Variants in ADNP2 observed in about 807,000 individuals in gnomAD.
ADNP2 encodes ADNP homeobox 2.
In ADNP2, 8 loss-of-function variants were observed where a neutral mutation model predicts 16.4. That is an observed-to-expected ratio of 0.49 (90% CI 0.29 to 0.88). The LOEUF (loss-of-function observed/expected upper bound fraction) is 0.88. Among genes scored for constraint, ADNP2 ranks in the 40% least tolerant of loss-of-function variants. The pLI, the probability that ADNP2 is intolerant of heterozygous loss-of-function variation, is 0.09. For synonymous variants in ADNP2, 637 were observed against 545.8 expected (o/e 1.17, Z -2.33); for missense variants, 1,397 against 1,395.1 (o/e 1.00, Z -0.02).
intron 2 of ADNP2, among the ~76,000 whole-genome samples, chr18:80,122,629 G>A (rs761987007): frequency 3.9e-5 from 6 of 152,182 alleles, no homozygotes; most frequent in Non-Finnish European, 7.3e-5. Flanking sequence ...AGATTTTTCA[G>A]TGCAGATATA....
At position 80,138,246 on chromosome 18, in the gene ADNP2, A is replaced by G. The variant is rs1320986340; in HGVS notation, c.2833A>G (p.Ser945Gly). The change falls in exon 4 of 4, where the codon AGC becomes GGC. Residue 945 changes from serine to glycine, a missense_variant. Around this residue, in one of 3 missense-constraint regions of ADNP2, gnomAD observed 611 missense variants for 648.7 expected, o/e 0.94. Transcript: ENST00000262198. ...LVRCRSAPKD[S>G]SSDLQAQPGF... ...GCGCTGCAGAAGTGCTCCCAAGGAC[A>G]GCAGCTCAGACCTGCAGGCCCAGCC... is the stretch of plus-strand genomic sequence containing the variant. The G allele has an allele frequency of 6.2e-7, 1 of 1,614,160 alleles. No individual in the cohort carries two copies. The highest frequency in any genetic ancestry group is 1.6e-4 in the Middle Eastern group (1 of 6,062).
chr18:80,120,772 C>A (rs922891082), intron 2 of ADNP2, among the ~76,000 whole-genome samples: 1 of 151,960 alleles, frequency 6.6e-6, no homozygotes, highest in African/African-American at 2.4e-5. Flanking sequence ...CTCCTGCCTC[C>A]GCCTCATGAG....
chr18:80,126,102 C>G (rs1239440701), intron 2 of ADNP2, among the ~76,000 whole-genome samples: 1 of 152,004 alleles, frequency 6.6e-6, no homozygotes, highest in Non-Finnish European at 1.5e-5. Context: ...TTTCTGCTCT[C>G]TTTTGGATTG....
chr18:80,125,559 C>T (rs541331217), intron 2 of ADNP2, among the ~76,000 whole-genome samples: 1 of 152,110 alleles, frequency 6.6e-6, no homozygotes, highest in South Asian at 2.1e-4. Context: ...AGGAGAATGG[C>T]GTGAACCTGG....
chr18:80,109,280 C>T lies in ADNP2; in HGVS notation c.-206C>T, dbSNP rs371703741. The T allele has an allele frequency of 4.3e-4, 66 of 152,070 alleles. No individual in the cohort carries two copies. The highest frequency in any genetic ancestry group is 3.1e-3 in the East Asian group (16 of 5,162). 9.4% of individuals were successfully genotyped at this position (152,070 alleles called of 1,614,324 possible). On this transcript the variant is annotated 5_prime_UTR_variant, in exon 1 of 4. Transcript: ENST00000262198. ...TGAGGCCAATCGAGCGCCATTTTCT[C>T]TTTCTGGCTGCGCGGGAGGAGGGGA... is the stretch of plus-strand genomic sequence containing the variant.
chr18:80,114,348 T>C (rs1161471207), intron 1 of ADNP2, among the ~76,000 whole-genome samples: 1 of 152,218 alleles, frequency 6.6e-6, no homozygotes, highest in Non-Finnish European at 1.5e-5. Context: ...TTAAATGGCA[T>C]TTCTTTATTA....
At chr18:80,124,432 A>G (rs1373623177) in intron 2 of ADNP2, among the ~76,000 whole-genome samples, 3 of 152,172 alleles carry the variant, frequency 2.0e-5, no homozygotes, top group Non-Finnish European at 2.9e-5. Flanking sequence ...ATACTTACTT[A>G]TATTTACTGG....
At chr18:80,122,988 T>TG (rs2052434543) in intron 2 of ADNP2, among the ~76,000 whole-genome samples, 1 of 152,086 alleles carries the variant, frequency 6.6e-6, no homozygotes, top group Non-Finnish European at 1.5e-5. Context: ...CTTCAATTCC[T>TG]AGTTTTCTGA....
Position 80,135,900 on chromosome 18 carries a change from T to G in ADNP2, c.487T>G (p.Ser163Ala), listed in dbSNP as rs2052529378. ...ISFTCLKCNFSNTLYYSMKKH... is the reference protein window; with the variant it reads ...ISFTCLKCNFANTLYYSMKKH... ...TTTCACATGTCTAAAATGTAACTTT[T>G]CAAACACTTTGTACTACAGCATGAA... is the stretch of plus-strand genomic sequence containing the variant. Residue 163 changes from serine (S) to alanine (A), a missense_variant, in exon 4 of 4, where the codon TCA (serine) becomes GCA (alanine). Transcript: ENST00000262198. 6.2e-7 allele frequency: 1 copy of G among 1,614,244 alleles called. No individual in the cohort carries two copies. Among genetic ancestry groups the G allele is most frequent in the African/African-American group, 1.3e-5 (1 of 75,058 alleles).
chr18:80,124,258 C>G (rs1315231458), intron 2 of ADNP2, among the ~76,000 whole-genome samples: 1 of 152,142 alleles, frequency 6.6e-6, no homozygotes, highest in Admixed American at 6.5e-5. Context: ...CTGTCTCTCT[C>G]TCTGTCTCAT....
In ADNP2 at chr18:80,137,595, G is replaced by A; in HGVS notation, c.2182G>A (p.Glu728Lys). The A allele has an allele frequency of 1.2e-6, 2 of 1,614,220 alleles. No individual in the cohort carries two copies. Among genetic ancestry groups the A allele is most frequent in the South Asian group, 1.1e-5 (1 of 91,088 alleles). ...CGAGTCCAAGTCTGGTGAGAAACTT[G>A]AGCCTGAAAAACTGGCAGCGTGTGC... ...HSESKSGEKL[E>K]PEKLAACAPF... Residue 728 changes from glutamate to lysine, a missense_variant, in exon 4 of 4, where the codon GAG (glutamate) becomes AAG (lysine). Transcript: ENST00000262198. This position sits in a 1 kb window ranked among gnomAD's most constrained non-coding sequence, Gnocchi z 4.2.
chr18:80,134,418 TGAGAGA>T (rs1555730307), intron 3 of ADNP2, among the ~76,000 whole-genome samples: 1 of 136,448 alleles, frequency 7.3e-6, no homozygotes, highest in Non-Finnish European at 1.6e-5. Flanking sequence ...TGTGTGTGTG[TGAGAGA>T]GAGTGATAAT....
chr18:80,120,676 A>G (rs2052418647), intron 2 of ADNP2, among the ~76,000 whole-genome samples: 1 of 149,982 alleles, frequency 6.7e-6, no homozygotes, highest in East Asian at 2.0e-4. Context: ...TTTTTTTTTG[A>G]GATGGAATCA....
intron 2 of ADNP2, among the ~76,000 whole-genome samples, chr18:80,120,807 A>G (rs2052419722): frequency 6.6e-6 from 1 of 152,016 alleles, no homozygotes. Context: ...GGCACGTACC[A>G]CCAAGTCCAA....
intron 2 of ADNP2, among the ~76,000 whole-genome samples, chr18:80,118,947 A>T (rs1028264841): frequency 1.3e-5 from 2 of 152,224 alleles, no homozygotes; most frequent in African/African-American, 4.8e-5. Context: ...AAATTTTTGA[A>T]AATTCAAGTA....
chr18:80,133,661 G>A (rs987007127), intron 3 of ADNP2: 1 of 163,756 alleles, frequency 6.1e-6, no homozygotes, highest in Non-Finnish European at 1.3e-5. Context: ...TCTCATTAAA[G>A]TGTTTTCTGG....
intron 2 of ADNP2, among the ~76,000 whole-genome samples, chr18:80,131,974 A>C (rs142793570): frequency 6.6e-6 from 1 of 152,322 alleles, no homozygotes; most frequent in African/African-American, 2.4e-5. Context: ...TCACAATAGC[A>C]AAGACTTGGA....
intron 3 of ADNP2, among the ~76,000 whole-genome samples, chr18:80,135,287 T>A (rs2052524476): frequency 6.6e-6 from 1 of 152,224 alleles, no homozygotes; most frequent in Non-Finnish European, 1.5e-5. Context: ...TTTTGTGACA[T>A]GTGGAAAGTA....
rs529262962 is a variant in ADNP2, at chr18:80,137,513, C to T, written c.2100C>T (p.Asn700=). 1.4e-5 allele frequency: 22 copies of T among 1,614,238 alleles called. No individual in the cohort carries two copies. The highest frequency in any genetic ancestry group is 2.2e-5 in the South Asian group (2 of 91,088). ...AKQWKTCPVC[N]ELFPSNVYQV... ...AGTGGAAGACCTGCCCTGTCTGCAA[C>T]GAGCTCTTTCCGTCCAACGTCTACC... The change falls in exon 4 of 4, where the codon AAC becomes AAT. Residue 700 remains asparagine (N), a synonymous_variant. Transcript: ENST00000262198. The surrounding 1 kb of genome is among the most constrained non-coding windows in gnomAD (Gnocchi z 4.2).
Sources: gnomAD v4.1 joint callset for allele counts (sites outside exome capture counted in the v4.1 genomes callset) on GRCh38, gnomAD v4.1.1 for gene constraint, gnomAD v4.1.1 regional missense constraint, Gnocchi (gnomAD v3.1) non-coding constraint, MANE v1.5 for transcripts, NCBI Gene and HGNC (gene_info 2026-07-23, HGNC 2026-07-21) for gene names.